ITIH3: variants seen among roughly 807,000 people sequenced by gnomAD.
The protein encoded by ITIH3 is inter-alpha-trypsin inhibitor heavy chain H3.
Under a neutral mutation model 96.5 loss-of-function variants are expected in ITIH3, and 81 were observed. The ratio of observed to expected loss-of-function variants is 0.84; its 90% CI spans 0.70 to 1.01. The LOEUF (loss-of-function observed/expected upper bound fraction) is 1.01. Ranked by LOEUF, ITIH3 falls within the 50% of genes least tolerant of loss-of-function variation. The pLI is 0.00. For missense variants in ITIH3, 1,057 were observed against 1,139.3 expected, an observed-to-expected ratio of 0.93 and a Z score of 1.04; for synonymous variants, 422 against 445.2, an observed-to-expected ratio of 0.95 and a Z score of 0.66.
In ITIH3 at chr3:52,796,750, GT is replaced by G; in HGVS notation, c.294del (p.Val99LeufsTer56). The stretch of plus-strand genomic sequence containing the variant: ...CTCTTTCCCTGCAGGACCATCGACG[GT>G]GTTACCTACCCTGGGAATGTCAAGG... ...FITNFTLTIDGVTYPGNVKEK... is the reference protein window; with the variant it reads ...FITNFTLTIDXVTYPGNVKEK... On this transcript the variant is annotated frameshift_variant, in exon 4 of 22. Transcript: ENST00000449956. LOFTEE classifies it high-confidence loss of function. The G allele has an allele frequency of 6.2e-7, 1 of 1,611,968 alleles. No homozygotes were observed. Among genetic ancestry groups the G allele is most frequent in the Non-Finnish European group, 8.5e-7 (1 of 1,179,042 alleles).
rs757056953 is a variant in ITIH3, at chr3:52,800,644, T to C, written c.1182T>C (p.Thr394=). 3.1e-6 allele frequency: 5 copies of C among 1,596,702 alleles called. No homozygotes were observed. The South Asian group carries it at 5.7e-5, about 18-fold the overall frequency. ...ERSTSIVIML[T]DGDANVGESR... is the part of the protein sequence containing the mutation. ...GCACCTCCATTGTCATCATGCTGAC[T>C]GATGGGGATGCCAATGTTGGTGAGG... Residue 394 remains threonine, a synonymous_variant, in exon 10 of 22, where the codon ACT becomes ACC. Transcript: ENST00000449956.
chr3:52,795,033 G>A, intron 1 of ITIH3, 137 bp downstream of exon 1: 2 of 713,646 alleles, frequency 2.8e-6, no homozygotes, highest in Non-Finnish European at 4.9e-6. Context: ...TGTGGACACT[G>A]GGAGAACCGG....
At chr3:52,799,173 C>G in intron 7 of ITIH3, 82 bp downstream of exon 7, 1 of 1,521,462 alleles carries the variant, frequency 6.6e-7, no homozygotes, top group South Asian at 1.2e-5. Context: ...GTGCCATCAC[C>G]CTGGGTCCTC....
intron 14 of ITIH3, 28 bp downstream of exon 14, chr3:52,804,037 C>T (rs369358445): frequency 8.7e-6 from 14 of 1,601,094 alleles, no homozygotes; most frequent in South Asian, 3.4e-5. Context: ...GGCCGGAACC[C>T]GGAGGCCTCC....
rs779807374 is a variant in ITIH3, at chr3:52,806,980, ACTGGGCATCGCCAATGCT to A, written c.2138_2155del (p.Leu713_Ala718del). The A allele has an allele frequency of 5.6e-6, 9 of 1,596,026 alleles. No individual in the cohort carries two copies. The African/African-American group carries it at 1.2e-4, about 21-fold the overall frequency. On this transcript the variant is annotated inframe_deletion, in exon 19 of 22. Coordinates refer to ENST00000449956, the MANE Select transcript of ITIH3 (RefSeq NM_002217.4). ...AGACCAGAAAGACTTACTTTGGAAA[ACTGGGCATCGCCAATGCT>A]CAGATGGACTTCCAGGTGGAGGTGA...
chr3:52,805,655 T>G, intron 15 of ITIH3, 153 bp from the exon 16 acceptor site: 1 of 1,475,338 alleles, frequency 6.8e-7, no homozygotes, highest in Non-Finnish European at 9.0e-7. Flanking sequence ...GTGCCCGATT[T>G]CCAAAGCCTA....
chr3:52,796,898 G>A, intron 4 of ITIH3, 55 bp downstream of exon 4: 2 of 1,316,250 alleles, frequency 1.5e-6, no homozygotes, highest in South Asian at 2.8e-5. Context: ...AGGGCCTTCA[G>A]GGCTACAAAC....
At chr3:52,803,311 A>T (rs374743878) in intron 13 of ITIH3, among the ~76,000 whole-genome samples, 393 of 125,566 alleles carry the variant, frequency 3.1e-3, no homozygotes, top group South Asian at 6.8e-3. Context: ...TATTTATTTT[A>T]TTTTATTATT....
Position 52,808,123 on chromosome 3 carries a change from AC to A in ITIH3, c.2448del (p.Phe817LeufsTer23), listed in dbSNP as rs867488579. ...THGLLGQFFQ[P>X]FDFKVSDIRP... ...TTTTCTTCCCAGGGCAATTCTTCCAACCCTTTGACTTTAAAGTGTCTGACAT... is the reference window on the plus strand; with the variant it reads ...TTTTCTTCCCAGGGCAATTCTTCCAACCTTTGACTTTAAAGTGTCTGACAT... On this transcript the variant is annotated frameshift_variant, in exon 21 of 22. Coordinates refer to ENST00000449956, the MANE Select transcript of ITIH3 (RefSeq NM_002217.4). LOFTEE classifies it high-confidence loss of function. The A allele has an allele frequency of 2.5e-6, 4 of 1,613,920 alleles. No homozygotes were observed. The highest frequency in any genetic ancestry group is 3.4e-6 in the Non-Finnish European group (4 of 1,179,950).
chr3:52,808,461 C>T, intron 21 of ITIH3, 91 bp from the exon 22 acceptor site: 1 of 1,538,476 alleles, frequency 6.5e-7, no homozygotes, highest in Non-Finnish European at 9.0e-7. Flanking sequence ...TTAGAATTGC[C>T]AACTTCCCAC....
intron 8 of ITIH3, 69 bp downstream of exon 8, chr3:52,799,557 T>A: frequency 8.5e-7 from 1 of 1,177,960 alleles, no homozygotes; most frequent in Non-Finnish European, 1.2e-6. Flanking sequence ...TTTTTTTAAC[T>A]GGAAAAAGCT....
chr3:52,806,756 T>C, intron 18 of ITIH3, 145 bp from the exon 19 acceptor site: 1 of 686,328 alleles, frequency 1.5e-6, no homozygotes, highest in Non-Finnish European at 2.5e-6. Flanking sequence ...ACCAACAGGC[T>C]TGGGCTCTGA....
At chr3:52,800,034 G>T in intron 9 of ITIH3, 113 bp downstream of exon 9, 1 of 1,010,872 alleles carries the variant, frequency 9.9e-7, no homozygotes, top group South Asian at 1.7e-5. Flanking sequence ...CTTCAGATCT[G>T]AGCTGGGGTA....
chr3:52,806,200 C>G, intron 17 of ITIH3, 62 bp downstream of exon 17: 1 of 1,596,222 alleles, frequency 6.3e-7, no homozygotes, highest in Non-Finnish European at 8.6e-7. Flanking sequence ...CTGCCTGTCT[C>G]GGAGTCGAGC....
At chr3:52,807,238 G>C in intron 19 of ITIH3, 133 bp downstream of exon 19, 1 of 821,540 alleles carries the variant, frequency 1.2e-6, no homozygotes, top group Non-Finnish European at 1.9e-6. Context: ...CCAGAATCCA[G>C]TCTCCTGTCA....
At chr3:52,799,732 A>G in intron 8 of ITIH3, 21 bp from the exon 9 acceptor site, 1 of 1,600,342 alleles carries the variant, frequency 6.2e-7, no homozygotes, top group Middle Eastern at 1.7e-4. Context: ...GGCTTCTCCC[A>G]GCTCTTTGTC....
At chr3:52,800,845 G>A (rs1298305352) in intron 10 of ITIH3, 120 bp from the exon 11 acceptor site, 1 of 1,487,854 alleles carries the variant, frequency 6.7e-7, no homozygotes, top group Non-Finnish European at 9.2e-7. Flanking sequence ...TGCCCCACAA[G>A]GGCTCATGGT....
At chr3:52,798,799 G>A (rs542171047) in intron 6 of ITIH3, 167 bp from the exon 7 acceptor site, 323 of 725,158 alleles carry the variant, frequency 4.5e-4, no homozygotes, top group South Asian at 7.2e-4. Context: ...TGCAGAGCAC[G>A]CCACCGGCGG....
Position 52,806,288 on chromosome 3 carries a change from A to C in ITIH3, c.1943-5A>C. On this transcript the variant is annotated splice_region_variant and splice_polypyrimidine_tract_variant and intron_variant, in intron 17 of 21. Coordinates refer to ENST00000449956, the MANE Select transcript of ITIH3 (RefSeq NM_002217.4). ...GAGTCAGCTCCTTCTCTAATGTGTC[A>C]CCAGTGGACGGGGATCCCCACTTCA... The C allele has an allele frequency of 1.9e-6, 3 of 1,612,842 alleles. No homozygotes were observed. The highest frequency in any genetic ancestry group is 1.7e-6 in the Non-Finnish European group (2 of 1,179,104).
Sources: allele counts gnomAD v4.1 joint callset (sites outside exome capture counted in the v4.1 genomes callset), GRCh38; gene constraint gnomAD v4.1.1; transcripts MANE v1.5; gene names NCBI Gene and HGNC (gene_info 2026-07-23, HGNC 2026-07-21).